LPP: variants seen among roughly 807,000 people sequenced by gnomAD.
The protein encoded by LPP is LIM domain containing preferred translocation partner in lipoma.
Under a neutral mutation model 60.4 loss-of-function variants are expected in LPP, and 38 were observed. The observed-to-expected ratio is 0.63, with a 90% CI of 0.49 to 0.83. The LOEUF (loss-of-function observed/expected upper bound fraction) is 0.83, where lower values mean the gene tolerates loss of function less well. Among genes scored for constraint, LPP ranks in the 40% least tolerant of loss-of-function variants. LPP has a pLI of 0.00. For missense variants in LPP, 902 were observed against 783.6 expected (o/e 1.15, Z -1.80); for synonymous variants, 328 against 290.8 (o/e 1.13, Z -1.30).
intron 4 of LPP, among the ~76,000 whole-genome samples, chr3:188,482,197 CCTGT>C (rs1454819350): frequency 6.6e-6 from 1 of 152,304 alleles, no homozygotes; most frequent in East Asian, 1.9e-4. Context: ...AGCTATGCTT[CCTGT>C]CAAGGCTGCA....
At chr3:188,342,429 T>C (rs964374254) in intron 3 of LPP, among the ~76,000 whole-genome samples, 2 of 152,216 alleles carry the variant, frequency 1.3e-5, no homozygotes, top group African/African-American at 4.8e-5. Context: ...ATCATAGTTG[T>C]AAAATTTACC....
At chr3:188,669,783 A>C (rs545617010) in intron 7 of LPP, among the ~76,000 whole-genome samples, 3 of 152,136 alleles carry the variant, frequency 2.0e-5, no homozygotes, top group Non-Finnish European at 4.4e-5. Context: ...AAATCATGCT[A>C]CTATAAAGAC....
At chr3:188,503,727 A>T (rs1431870961) in intron 5 of LPP, among the ~76,000 whole-genome samples, 4 of 150,336 alleles carry the variant, frequency 2.7e-5, no homozygotes, top group African/African-American at 4.9e-5. Context: ...GTGGTTGATA[A>T]TTTTTTTTCC....
intron 7 of LPP, among the ~76,000 whole-genome samples, chr3:188,690,193 C>T (rs565290955): frequency 3.0e-4 from 45 of 152,302 alleles, no homozygotes; most frequent in Non-Finnish European, 3.2e-4. Flanking sequence ...TGTGACATAG[C>T]TAGGTCATGT....
At position 188,610,218 on chromosome 3, in the gene LPP, A is replaced by G. The variant is rs1843400953; in HGVS notation, c.1113+374A>G. Among the ~76,000 whole-genome samples, 1 of 152,200 alleles carries G rather than the reference A, an allele frequency of 6.6e-6. No individual in the cohort carries two copies. Among genetic ancestry groups the G allele is most frequent in the Non-Finnish European group, 1.5e-5 (1 of 68,032 alleles). On this transcript the variant is annotated intron_variant, in intron 7 of 11. Coordinates refer to ENST00000617246, the MANE Select transcript of LPP (RefSeq NM_001375462.1). The surrounding 1 kb of genome is among the most constrained non-coding windows in gnomAD (Gnocchi z 4.4). ...TGCAGAAACTTCCTCTACACCTTGC[A>G]TTTGCTTGGACATTAAACAGGTCTG...
intron 4 of LPP, among the ~76,000 whole-genome samples, chr3:188,450,298 C>T (rs1484438783): frequency 6.6e-6 from 1 of 152,118 alleles, no homozygotes; most frequent in Non-Finnish European, 1.5e-5. Flanking sequence ...ATGAATAATG[C>T]TCAGTGAGCA....
intron 2 of LPP, among the ~76,000 whole-genome samples, chr3:188,283,559 A>G (rs1240749452): frequency 6.6e-6 from 1 of 152,206 alleles, no homozygotes; most frequent in Non-Finnish European, 1.5e-5. Flanking sequence ...TTCTGCATGT[A>G]CTGCTGACTA....
chr3:188,591,167 T>C (rs990223916), intron 6 of LPP, among the ~76,000 whole-genome samples: 1 of 152,196 alleles, frequency 6.6e-6, no homozygotes, highest in African/African-American at 2.4e-5. Flanking sequence ...TATGTTGTGC[T>C]TTCCCACAAA....
intron 1 of LPP, among the ~76,000 whole-genome samples, chr3:188,201,725 C>T (rs534867793): frequency 6.6e-6 from 1 of 152,128 alleles, no homozygotes; most frequent in South Asian, 2.1e-4. Context: ...AAAATAGCAG[C>T]ATAATGGGGT....
At chr3:188,347,463 A>G (rs1385103890) in intron 3 of LPP, among the ~76,000 whole-genome samples, 1 of 152,186 alleles carries the variant, frequency 6.6e-6, no homozygotes, top group South Asian at 2.1e-4. Flanking sequence ...AGTGCTCTCA[A>G]TATCTTCATT....
chr3:188,538,018 G>T (rs1316096918), intron 6 of LPP, among the ~76,000 whole-genome samples: 1 of 152,002 alleles, frequency 6.6e-6, no homozygotes, highest in African/African-American at 2.4e-5. Context: ...AACAAATGAT[G>T]CTGGAACCAC....
At chr3:188,705,626 T>G (rs1181740258) in intron 7 of LPP, among the ~76,000 whole-genome samples, 2 of 152,058 alleles carry the variant, frequency 1.3e-5, no homozygotes, top group African/African-American at 4.8e-5. Flanking sequence ...ATTTTTTCTT[T>G]TTTTGTGTGG....
At chr3:188,188,756 G>GA (rs1434522561) in intron 1 of LPP, among the ~76,000 whole-genome samples, 1 of 152,122 alleles carries the variant, frequency 6.6e-6, no homozygotes, top group Non-Finnish European at 1.5e-5. Flanking sequence ...ATGTATTGAA[G>GA]ATGCTGCATC....
chr3:188,847,360 G>C (rs1185235231), intron 9 of LPP, among the ~76,000 whole-genome samples: 6 of 152,146 alleles, frequency 3.9e-5, no homozygotes, highest in Non-Finnish European at 8.8e-5. Context: ...TTTGCTGATT[G>C]TTTAGATGTG....
At chr3:188,655,406 G>C (rs1852964000) in intron 7 of LPP, among the ~76,000 whole-genome samples, 1 of 152,190 alleles carries the variant, frequency 6.6e-6, no homozygotes, top group African/African-American at 2.4e-5. Flanking sequence ...AAGACACACA[G>C]CATAAGGCGG....
chr3:188,176,410 C>G (rs753236976), intron 1 of LPP, among the ~76,000 whole-genome samples: 2 of 152,142 alleles, frequency 1.3e-5, no homozygotes, highest in African/African-American at 2.4e-5. Context: ...CACACACTGT[C>G]AGGTCAGGTA....
chr3:188,532,223 A>G (rs1579702356), intron 6 of LPP, among the ~76,000 whole-genome samples: 1 of 152,122 alleles, frequency 6.6e-6, no homozygotes, highest in African/African-American at 2.4e-5. Context: ...CCTGGTAAAC[A>G]TGGCGAAACC....
At chr3:188,652,121 C>T (rs2176080) in intron 7 of LPP, among the ~76,000 whole-genome samples, 141,843 of 152,224 alleles carry the variant, frequency 0.93, 66,683 homozygotes, top group East Asian at 1. Context: ...TTCTAATTGA[C>T]ATGAAATGCA....
Position 188,638,358 on chromosome 3 carries a change from T to C in LPP, c.1113+28514T>C, listed in dbSNP as rs1193844489. Among the ~76,000 whole-genome samples the C allele has an allele frequency of 8.4e-3, 1,235 of 147,854 alleles. 7 individuals are homozygous for C. The highest frequency in any genetic ancestry group is 0.024 in the African/African-American group (941 of 39,544). ...CTCAATAAATTAGGTATTGATGGGA[T>C]GTATTTCAAAATAATAAGAGCTATC... On this transcript the variant is annotated intron_variant, in intron 7 of 11. Coordinates refer to ENST00000617246, the MANE Select transcript of LPP (RefSeq NM_001375462.1).
Sources: gnomAD v4.1 joint callset for allele counts (sites outside exome capture counted in the v4.1 genomes callset) on GRCh38, gnomAD v4.1.1 for gene constraint, Gnocchi (gnomAD v3.1) non-coding constraint, MANE v1.5 for transcripts, NCBI Gene and HGNC (gene_info 2026-07-23, HGNC 2026-07-21) for gene names.